Variants in DNAJC15 observed in about 807,000 individuals in gnomAD.
The protein encoded by DNAJC15 is DnaJ heat shock protein family (Hsp40) member C15.
DNAJC15 carries 27 observed loss-of-function variants against 22.4 expected under a neutral mutation model. That is an observed-to-expected ratio of 1.20 (90% CI 0.89 to 1.66). DNAJC15 has a LOEUF of 1.66. Ranked by LOEUF, DNAJC15 falls within the 40% of genes most tolerant of loss-of-function variation. The probability of loss-of-function intolerance (pLI) is 0.00; values close to 1 mark genes in which losing one functional copy is unlikely to be tolerated. For synonymous variants in DNAJC15, 79 were observed against 63.2 expected (o/e 1.25, Z -1.19); for missense variants, 208 against 187.1 (o/e 1.11, Z -0.65).
In DNAJC15 at chr13:43,107,431, G is replaced by T; in HGVS notation, c.*183G>T. ...GTCTTGCTTTTTATTATCTTTTAAAGATCTCCTTAAATTCTATAACTGATC... is the reference window on the plus strand; with the variant it reads ...GTCTTGCTTTTTATTATCTTTTAAATATCTCCTTAAATTCTATAACTGATC... On this transcript the variant is annotated 3_prime_UTR_variant, in exon 6 of 6. Coordinates refer to ENST00000379221, the MANE Select transcript of DNAJC15 (RefSeq NM_013238.3). 7.4e-6 allele frequency: 3 copies of T among 405,060 alleles called. No individual in the cohort carries two copies. Among genetic ancestry groups the T allele is most frequent in the South Asian group, 1.4e-4 (2 of 14,000 alleles). 25.1% of individuals were successfully genotyped at this position (405,060 alleles called of 1,614,324 possible).
At chr13:43,059,210 G>A (rs76214674) in intron 1 of DNAJC15, among the ~76,000 whole-genome samples, 2,684 of 152,034 alleles carry the variant, frequency 0.018, 97 homozygotes, top group East Asian at 0.13. Context: ...TGTAAAATAA[G>A]TCTTTAGAAG....
chr13:43,096,358 T>G (rs1191787951), intron 5 of DNAJC15, among the ~76,000 whole-genome samples: 2 of 150,746 alleles, frequency 1.3e-5, no homozygotes, highest in African/African-American at 4.8e-5. Flanking sequence ...ATTTATTTGT[T>G]ATGCATTCAT....
intron 1 of DNAJC15, among the ~76,000 whole-genome samples, chr13:43,058,214 C>CT (rs1413879286): frequency 1.3e-5 from 2 of 152,164 alleles, no homozygotes; most frequent in East Asian, 1.9e-4. Flanking sequence ...TTGTTGGCTT[C>CT]TAGCCAGGAG....
chr13:43,053,735 C>T (rs1212549461), intron 1 of DNAJC15, among the ~76,000 whole-genome samples: 1 of 152,134 alleles, frequency 6.6e-6, no homozygotes, highest in Non-Finnish European at 1.5e-5. Context: ...TAGTGTATAG[C>T]AGAGCTACTG....
chr13:43,111,343 T>C lies in DNAJC15; in HGVS notation c.*4095T>C, dbSNP rs1231304586. On this transcript the variant is annotated 3_prime_UTR_variant, in exon 6 of 6. Transcript: ENST00000379221. ...AAATACATTCTTAAACAGGAAACTT[T>C]TTCCTTCATACTTTTTAATTAACAA... is the stretch of plus-strand genomic sequence containing the variant. 1 of 152,122 alleles carries C rather than the reference T, an allele frequency of 6.6e-6. No homozygotes were observed. Among genetic ancestry groups the C allele is most frequent in the Non-Finnish European group, 1.5e-5 (1 of 68,014 alleles). 9.4% of individuals were successfully genotyped at this position (152,122 alleles called of 1,614,324 possible). A position where few individuals can be genotyped will look rare whatever the true frequency, so the allele number is the denominator to read the frequency against.
chr13:43,042,636 G>A (rs746710206), intron 1 of DNAJC15, among the ~76,000 whole-genome samples: 5 of 152,240 alleles, frequency 3.3e-5, no homozygotes, highest in Non-Finnish European at 5.9e-5. Context: ...GGGACCAGCT[G>A]TGGTGGTGTA....
chr13:43,075,830 GT>G (rs1223992153), intron 3 of DNAJC15, among the ~76,000 whole-genome samples: 2 of 151,980 alleles, frequency 1.3e-5, no homozygotes, highest in African/African-American at 4.8e-5. Flanking sequence ...ACCCAGCTAA[GT>G]TTTTGTATCT....
intron 2 of DNAJC15, among the ~76,000 whole-genome samples, 189 bp downstream of exon 2, chr13:43,065,926 G>A (rs893267381): frequency 6.6e-6 from 1 of 152,116 alleles, no homozygotes; most frequent in African/African-American, 2.4e-5. Flanking sequence ...ACTTTATAGG[G>A]AAGAAAATTA....
chr13:43,104,230 C>G (rs1168973080), intron 5 of DNAJC15, among the ~76,000 whole-genome samples: 2 of 152,158 alleles, frequency 1.3e-5, no homozygotes, highest in Non-Finnish European at 2.9e-5. Flanking sequence ...GGGCAATCAC[C>G]ATTCTTCTTT....
chr13:43,050,715 A>G (rs902709777), intron 1 of DNAJC15, among the ~76,000 whole-genome samples: 2 of 152,354 alleles, frequency 1.3e-5, no homozygotes, highest in East Asian at 3.9e-4. Context: ...ATTAAAATAC[A>G]AAGAGAGGTA....
chr13:43,038,569 G>C (rs954705954), intron 1 of DNAJC15, among the ~76,000 whole-genome samples: 1 of 152,210 alleles, frequency 6.6e-6, no homozygotes, highest in Admixed American at 6.5e-5. Context: ...AAGGCGGGCA[G>C]ATCACGAGGT....
Position 43,065,540 on chromosome 13 carries a change from C to A in DNAJC15, c.109-146C>A, listed in dbSNP as rs186410146. Reference sequence around the variant, plus strand: ...AGCAGCAGATATAATCCCATAGACACTGCATATTTTTTTAAGTCCTGATCT... The same window carrying A: ...AGCAGCAGATATAATCCCATAGACAATGCATATTTTTTTAAGTCCTGATCT... On this transcript the variant is annotated intron_variant, in intron 1 of 5. Transcript: ENST00000379221. The A allele has an allele frequency of 7.9e-4, 487 of 618,170 alleles. 2 individuals are homozygous for A. In the African/African-American group the frequency reaches 8.0e-3, roughly 10 times the overall value. 38.3% of individuals were successfully genotyped at this position (618,170 alleles called of 1,614,324 possible). A position where few individuals can be genotyped will look rare whatever the true frequency, so the allele number is the denominator to read the frequency against.
At chr13:43,061,964 T>C (rs528502130) in intron 1 of DNAJC15, among the ~76,000 whole-genome samples, 15 of 152,360 alleles carry the variant, frequency 9.8e-5, no homozygotes, top group African/African-American at 3.6e-4. Context: ...TGGGCCAACT[T>C]TACCCTGTTG....
At position 43,107,524 on chromosome 13, in the gene DNAJC15, T is replaced by TACACACACACACACAC. The variant is rs57085120; in HGVS notation, c.*293_*308dup. Reference sequence around the variant, plus strand: ...TTTTGTTATGTTCTGAATTCCCCCCTACACACACACACACACACACACACA... The same window carrying TACACACACACACACAC: ...TTTTGTTATGTTCTGAATTCCCCCCTACACACACACACACACACACACACACACACACACACACACA... On this transcript the variant is annotated 3_prime_UTR_variant, in exon 6 of 6. Transcript: ENST00000379221. 1.1e-3 allele frequency: 170 copies of TACACACACACACACAC among 161,670 alleles called. No homozygotes were observed. Among genetic ancestry groups the TACACACACACACACAC allele is most frequent in the Non-Finnish European group, 1.4e-3 (104 of 75,320 alleles). 10.0% of individuals were successfully genotyped at this position (161,670 alleles called of 1,614,324 possible).
intron 1 of DNAJC15, among the ~76,000 whole-genome samples, chr13:43,049,498 A>G (rs191422745): frequency 6.6e-6 from 1 of 152,376 alleles, no homozygotes; most frequent in Admixed American, 6.5e-5. Flanking sequence ...TTTCAACAAT[A>G]GTAAAATAGA....
At chr13:43,071,242 T>C (rs543769847) in intron 3 of DNAJC15, among the ~76,000 whole-genome samples, 1 of 152,296 alleles carries the variant, frequency 6.6e-6, no homozygotes, top group African/African-American at 2.4e-5. Context: ...TCATGTAAAC[T>C]CTTTATTCAG....
At chr13:43,071,376 TA>T (rs746266161) in intron 3 of DNAJC15, among the ~76,000 whole-genome samples, 1 of 152,202 alleles carries the variant, frequency 6.6e-6, no homozygotes, top group Non-Finnish European at 1.5e-5. Flanking sequence ...GGGCTCAAGG[TA>T]AGAAACTTCG....
intron 1 of DNAJC15, among the ~76,000 whole-genome samples, chr13:43,039,084 T>C (rs1026226986): frequency 3.3e-5 from 5 of 152,156 alleles, no homozygotes; most frequent in African/African-American, 9.7e-5. Flanking sequence ...TTAAAGGTAA[T>C]GTGAGAGTGA....
chr13:43,075,141 C>G (rs879556917), intron 3 of DNAJC15, among the ~76,000 whole-genome samples: 10 of 152,132 alleles, frequency 6.6e-5, no homozygotes, highest in Admixed American at 1.3e-4. Context: ...CATGTTAAGT[C>G]TCTATTCTCA....
Sources: allele counts gnomAD v4.1 joint callset (sites outside exome capture counted in the v4.1 genomes callset), GRCh38; gene constraint gnomAD v4.1.1; transcripts MANE v1.5; gene names NCBI Gene and HGNC (gene_info 2026-07-23, HGNC 2026-07-21).